PHACTR1: variants seen among roughly 807,000 people sequenced by gnomAD.
The protein encoded by PHACTR1 is RPEL repeat containing 1.
In PHACTR1, 16 loss-of-function variants were observed where a neutral mutation model predicts 69.2. That is an observed-to-expected ratio of 0.23 (90% CI 0.16 to 0.35). The LOEUF is 0.35. Ranked by LOEUF, PHACTR1 falls within the 10% of genes least tolerant of loss-of-function variation. The pLI is 1.00. For synonymous variants in PHACTR1, 312 were observed against 284.5 expected (o/e 1.10, Z -0.97); for missense variants, 510 against 734.7 (o/e 0.69, Z 3.54).
intron 4 of PHACTR1, among the ~76,000 whole-genome samples, chr6:12,977,106 G>C (rs1794976458): frequency 6.6e-6 from 1 of 151,858 alleles, no homozygotes; most frequent in African/African-American, 2.4e-5. Flanking sequence ...GCTGGGATTA[G>C]AGGCACCCAT....
intron 4 of PHACTR1, among the ~76,000 whole-genome samples, chr6:13,016,882 G>C (rs1800250990): frequency 6.6e-6 from 1 of 152,106 alleles, no homozygotes; most frequent in Non-Finnish European, 1.5e-5. Context: ...ACCCTCATCT[G>C]TTTCACTTTA....
intron 4 of PHACTR1, among the ~76,000 whole-genome samples, chr6:13,035,470 GT>G (rs1051653272): frequency 1.3e-5 from 2 of 151,518 alleles, no homozygotes; most frequent in African/African-American, 4.9e-5. Flanking sequence ...CATTGTTCTA[GT>G]TTCTGTTTAA....
intron 4 of PHACTR1, among the ~76,000 whole-genome samples, chr6:12,773,394 T>C (rs1197467337): frequency 6.6e-6 from 1 of 152,156 alleles, no homozygotes; most frequent in East Asian, 1.9e-4. Context: ...ATTTCCCCAA[T>C]TAACTTCCAG....
intron 4 of PHACTR1, among the ~76,000 whole-genome samples, chr6:12,983,138 C>G (rs1189937354): frequency 6.6e-6 from 1 of 152,114 alleles, no homozygotes; most frequent in Non-Finnish European, 1.5e-5. Context: ...CAAGGAAATA[C>G]AAATTAATTT....
At chr6:12,737,153 G>T (rs1764366040) in intron 3 of PHACTR1, among the ~76,000 whole-genome samples, 1 of 152,058 alleles carries the variant, frequency 6.6e-6, no homozygotes. Flanking sequence ...AGATGATATA[G>T]ACTACTACAC....
intron 4 of PHACTR1, among the ~76,000 whole-genome samples, chr6:13,032,622 ATT>A (rs199702696): frequency 1.4e-5 from 2 of 146,778 alleles, no homozygotes; most frequent in Admixed American, 6.8e-5. Context: ...GTTATGAAAG[ATT>A]TTTTTTTTTT....
chr6:13,003,675 G>A (rs1798366601), intron 4 of PHACTR1, among the ~76,000 whole-genome samples: 1 of 151,720 alleles, frequency 6.6e-6, no homozygotes, highest in South Asian at 2.1e-4. Context: ...GCCTTTGAGT[G>A]TAGCCATCAC....
intron 4 of PHACTR1, among the ~76,000 whole-genome samples, chr6:12,775,326 T>A (rs1035950005): frequency 3.3e-5 from 5 of 151,972 alleles, no homozygotes; most frequent in Non-Finnish European, 7.3e-5. Context: ...ATATCTTAAT[T>A]GTTTTTTAAA....
At chr6:12,951,930 A>G (rs1791346343) in intron 4 of PHACTR1, among the ~76,000 whole-genome samples, 1 of 152,222 alleles carries the variant, frequency 6.6e-6, no homozygotes, top group Non-Finnish European at 1.5e-5. Context: ...ATGTAGTGGC[A>G]TTATGGAAAC....
chr6:13,037,858 T>C (rs1803549992), intron 4 of PHACTR1, among the ~76,000 whole-genome samples: 2 of 152,194 alleles, frequency 1.3e-5, no homozygotes, highest in African/African-American at 4.8e-5. Context: ...TGGGAAGAGT[T>C]GGCAAATAGT....
intron 4 of PHACTR1, among the ~76,000 whole-genome samples, chr6:12,757,379 T>C (rs1459147562): frequency 6.6e-6 from 1 of 152,074 alleles, no homozygotes; most frequent in East Asian, 1.9e-4. Flanking sequence ...AAAGATTTGG[T>C]GGACCTTGCA....
chr6:12,783,990 C>T lies in PHACTR1; in HGVS notation c.250+34200C>T, dbSNP rs538715797. ...TATATACATATACACACACATATAT[C>T]TATACACATACACACATATACATGA... On this transcript the variant is annotated intron_variant, in intron 4 of 14. Coordinates refer to ENST00000332995, the MANE Select transcript of PHACTR1 (RefSeq NM_030948.6). 9.2e-5 allele frequency among the ~76,000 whole-genome samples: 14 copies of T among 152,034 alleles called. No individual in the cohort carries two copies. The South Asian group carries it at 2.9e-3, about 32-fold the overall frequency.
intron 4 of PHACTR1, among the ~76,000 whole-genome samples, chr6:12,913,288 C>A (rs1786608674): frequency 6.6e-6 from 1 of 152,232 alleles, no homozygotes; most frequent in Non-Finnish European, 1.5e-5. Flanking sequence ...TGAGCTCTCA[C>A]TGTGTCCCAA....
chr6:12,984,644 C>A (rs1167152537), intron 4 of PHACTR1, among the ~76,000 whole-genome samples: 1 of 152,212 alleles, frequency 6.6e-6, no homozygotes, highest in East Asian at 1.9e-4. Context: ...TTTTGTCATT[C>A]CATGGGTACT....
At chr6:12,730,546 A>G (rs1358780598) in intron 3 of PHACTR1, among the ~76,000 whole-genome samples, 1 of 152,140 alleles carries the variant, frequency 6.6e-6, no homozygotes, top group Non-Finnish European at 1.5e-5. Flanking sequence ...AAATGCTGCA[A>G]AGGAAGAGGA....
intron 4 of PHACTR1, among the ~76,000 whole-genome samples, chr6:12,940,122 C>T (rs1035581089): frequency 1.2e-4 from 19 of 152,178 alleles, no homozygotes; most frequent in African/African-American, 4.3e-4. Flanking sequence ...AACCTGAACA[C>T]CATCACAGCC....
rs145227671 is a variant in PHACTR1, at chr6:13,226,765, G to A, written c.987-1051G>A. On this transcript the variant is annotated intron_variant, in intron 8 of 14. Coordinates refer to ENST00000332995, the MANE Select transcript of PHACTR1 (RefSeq NM_030948.6). ...TTTTTTTTTTTTTTTTTGAGATGGA[G>A]TCTCGCTCTGTTGCCAGGCTGGAGT... Among the ~76,000 whole-genome samples the A allele has an allele frequency of 5.5e-3, 807 of 146,886 alleles. 9 individuals are homozygous for A. Among genetic ancestry groups the A allele is most frequent in the African/African-American group, 0.018 (719 of 39,500 alleles).
intron 7 of PHACTR1, among the ~76,000 whole-genome samples, chr6:13,190,200 T>TG (rs1332953173): frequency 7.5e-6 from 1 of 133,402 alleles, no homozygotes; most frequent in African/African-American, 2.9e-5. Context: ...ATTTTTGTAT[T>TG]TTTTTTTTTT....
chr6:13,112,711 T>A (rs1305072561), intron 5 of PHACTR1, among the ~76,000 whole-genome samples: 1 of 152,214 alleles, frequency 6.6e-6, no homozygotes, highest in Admixed American at 6.5e-5. Context: ...TTTGTCCACT[T>A]TTTAATGAGG....
Sources: allele counts gnomAD v4.1 joint callset (sites outside exome capture counted in the v4.1 genomes callset), GRCh38; gene constraint gnomAD v4.1.1; transcripts MANE v1.5; gene names NCBI Gene and HGNC (gene_info 2026-07-23, HGNC 2026-07-21).